Variants in EPB41L4B observed in about 807,000 individuals in gnomAD.
The protein encoded by EPB41L4B is band 4.1-like protein 4B.
Under a neutral mutation model 112.5 loss-of-function variants are expected in EPB41L4B, and 30 were observed. The observed-to-expected ratio is 0.27, with a 90% CI of 0.20 to 0.36. EPB41L4B has a LOEUF of 0.36. EPB41L4B is among the 10% of genes least tolerant of loss of function. The pLI is 1.00. For missense variants in EPB41L4B, 1,024 were observed against 1,133.3 expected, an observed-to-expected ratio of 0.90 and a Z score of 1.38; for synonymous variants, 408 against 439.7, an observed-to-expected ratio of 0.93 and a Z score of 0.90.
chr9:109,294,464 T>A (rs1386773899), intron 1 of EPB41L4B, among the ~76,000 whole-genome samples: 1 of 151,560 alleles, frequency 6.6e-6, no homozygotes, highest in Non-Finnish European at 1.5e-5. Context: ...AAAATAAGAA[T>A]TTAGCCAAGA....
At position 109,220,057 on chromosome 9, in the gene EPB41L4B, A is replaced by T. The variant is rs374466144; in HGVS notation, c.1410-2912T>A. Among the ~76,000 whole-genome samples, 11 of 152,360 alleles carry T rather than the reference A, an allele frequency of 7.2e-5. No homozygotes were observed. The East Asian group carries it at 1.9e-3, about 27-fold the overall frequency. ...GGTTCCAGCCACACCTGAAGCTGGC[A>T]TTACCACTGAACTTTTCCATTATAA... On this transcript the variant is annotated intron_variant, in intron 15 of 25. Coordinates refer to ENST00000374566, the MANE Select transcript of EPB41L4B (RefSeq NM_019114.5).
In EPB41L4B at chr9:109,281,749, T is replaced by C. The variant is rs527459830; in HGVS notation, c.307-1828A>G. Reference sequence around the variant, plus strand: ...ATTAATTAATTAATTTTAAAAAAGATCATAACAAATGTTGGAGAAGTAGAA... The same window carrying C: ...ATTAATTAATTAATTTTAAAAAAGACCATAACAAATGTTGGAGAAGTAGAA... On this transcript the variant is annotated intron_variant, in intron 1 of 25. Coordinates refer to ENST00000374566, the MANE Select transcript of EPB41L4B (RefSeq NM_019114.5). Among the ~76,000 whole-genome samples the C allele has an allele frequency of 2.8e-3, 419 of 151,056 alleles. 4 individuals carry two copies. The highest frequency in any genetic ancestry group is 9.8e-3 in the African/African-American group (403 of 41,158).
At chr9:109,181,501 A>G (rs1832051690) in intron 24 of EPB41L4B, among the ~76,000 whole-genome samples, 1 of 152,204 alleles carries the variant, frequency 6.6e-6, no homozygotes, top group South Asian at 2.1e-4. Context: ...CCTTGCCCCA[A>G]CAGGATATGA....
At chr9:109,199,689 T>G (rs1209430663) in intron 20 of EPB41L4B, among the ~76,000 whole-genome samples, 1 of 152,154 alleles carries the variant, frequency 6.6e-6, no homozygotes, top group African/African-American at 2.4e-5. Flanking sequence ...AGTGATGGGA[T>G]GTCAGTTCTG....
intron 15 of EPB41L4B, among the ~76,000 whole-genome samples, chr9:109,226,554 G>A (rs1172983734): frequency 2.7e-5 from 4 of 147,804 alleles, no homozygotes; most frequent in African/African-American, 1.0e-4. Flanking sequence ...AGTAGTTTCA[G>A]TTTTCGGATT....
intron 3 of EPB41L4B, among the ~76,000 whole-genome samples, 195 bp downstream of exon 3, chr9:109,268,196 C>A (rs1324479274): frequency 6.6e-6 from 1 of 152,176 alleles, no homozygotes; most frequent in East Asian, 1.9e-4. Context: ...TTTCAATATC[C>A]ACTAAACATT....
At chr9:109,237,581 C>A (rs936401813) in intron 15 of EPB41L4B, among the ~76,000 whole-genome samples, 1 of 152,170 alleles carries the variant, frequency 6.6e-6, no homozygotes, top group African/African-American at 2.4e-5. Flanking sequence ...TGTCCAATCT[C>A]TGCGGGACTA....
At chr9:109,247,118 G>A (rs569815683) in intron 14 of EPB41L4B, among the ~76,000 whole-genome samples, 74 of 151,054 alleles carry the variant, frequency 4.9e-4, no homozygotes, top group Admixed American at 1.1e-3. Context: ...TCTCGCCTTA[G>A]CTCCCCCAAA....
intron 1 of EPB41L4B, among the ~76,000 whole-genome samples, chr9:109,299,917 G>C (rs1023294866): frequency 6.6e-6 from 1 of 152,218 alleles, no homozygotes; most frequent in Non-Finnish European, 1.5e-5. Context: ...TCACAGCAGA[G>C]CTTGCAGCTA....
At chr9:109,203,505 G>A (rs1832900839) in intron 19 of EPB41L4B, among the ~76,000 whole-genome samples, 158 bp downstream of exon 19, 1 of 152,216 alleles carries the variant, frequency 6.6e-6, no homozygotes, top group Admixed American at 6.5e-5. Context: ...CTTGCGGAAA[G>A]TTAGTTAAGC....
rs1831808849 is a variant in EPB41L4B at position 109,175,938 on chromosome 9, A to C, written c.2633+613T>G. Among the ~76,000 whole-genome samples the C allele has an allele frequency of 2.0e-5, 3 of 152,158 alleles. No homozygotes were observed. The South Asian group carries it at 6.2e-4, about 32-fold the overall frequency. On this transcript the variant is annotated intron_variant, in intron 25 of 25. Coordinates refer to ENST00000374566, the MANE Select transcript of EPB41L4B (RefSeq NM_019114.5). ...CCCAGGTATCTGCAGCTTTCTCTAT[A>C]GCCCTTTTCAGGGCTCTGCTTAAAT...
chr9:109,197,503 G>A (rs930062984), intron 20 of EPB41L4B, among the ~76,000 whole-genome samples: 2 of 152,068 alleles, frequency 1.3e-5, no homozygotes, highest in South Asian at 2.1e-4. Flanking sequence ...ACTCTTTATG[G>A]GACAATAACA....
At chr9:109,192,976 C>T (rs1832512941) in intron 21 of EPB41L4B, among the ~76,000 whole-genome samples, 1 of 152,160 alleles carries the variant, frequency 6.6e-6, no homozygotes. Flanking sequence ...GCATCCCCTC[C>T]ACGCCACCCC....
intron 2 of EPB41L4B, among the ~76,000 whole-genome samples, chr9:109,278,252 A>G (rs145844059): frequency 6.9e-4 from 105 of 152,146 alleles, no homozygotes; most frequent in African/African-American, 2.4e-3. Flanking sequence ...CGAGGAGGAC[A>G]GTTTGAGGAG....
chr9:109,222,235 A>C (rs959651421), intron 15 of EPB41L4B, among the ~76,000 whole-genome samples: 2 of 152,174 alleles, frequency 1.3e-5, no homozygotes, highest in Admixed American at 1.3e-4. Flanking sequence ...GAAAAGAGAA[A>C]TAGATGAGGG....
intron 2 of EPB41L4B, among the ~76,000 whole-genome samples, chr9:109,269,096 G>C (rs1015737733): frequency 1.3e-5 from 2 of 151,986 alleles, no homozygotes; most frequent in Non-Finnish European, 2.9e-5. Flanking sequence ...AAGCATTCCA[G>C]GTCTCCATTA....
chr9:109,317,391 A>T (rs1416503836), intron 1 of EPB41L4B, among the ~76,000 whole-genome samples: 1 of 152,046 alleles, frequency 6.6e-6, no homozygotes, highest in Non-Finnish European at 1.5e-5. Flanking sequence ...AATAAAAGAA[A>T]CGTGTTTTCA....
chr9:109,255,507 C>G lies in EPB41L4B; in HGVS notation c.1169+4G>C. Reference sequence around the variant, plus strand: ...TGATCCGTGTTGCAGAAATGGCTCCCTACCTGAATCTGAAGCGAGAGCCCA... The same window carrying G: ...TGATCCGTGTTGCAGAAATGGCTCCGTACCTGAATCTGAAGCGAGAGCCCA... On this transcript the variant is annotated splice_donor_region_variant and intron_variant, in intron 11 of 25. Transcript: ENST00000374566. 2 of 1,613,762 alleles carry G rather than the reference C, an allele frequency of 1.2e-6. No homozygotes were observed. Among genetic ancestry groups the G allele is most frequent in the Admixed American group, 3.3e-5 (2 of 60,018 alleles).
At chr9:109,308,396 C>A (rs192255347) in intron 1 of EPB41L4B, among the ~76,000 whole-genome samples, 125 of 152,174 alleles carry the variant, frequency 8.2e-4, no homozygotes, top group Admixed American at 5.0e-3. Flanking sequence ...CAACAAAACT[C>A]GGAAAGTAAC....
Sources: gnomAD v4.1 joint callset for allele counts (sites outside exome capture counted in the v4.1 genomes callset) on GRCh38, gnomAD v4.1.1 for gene constraint, MANE v1.5 for transcripts, NCBI Gene and HGNC (gene_info 2026-07-23, HGNC 2026-07-21) for gene names.